The following SLCO2B1 variants were observed in gnomAD, a reference collection of about 807,000 sequenced individuals.
SLCO2B1 encodes the protein solute carrier organic anion transporter family member 2B1, also known as OATP-RP2.
Under a neutral mutation model 67.3 loss-of-function variants are expected in SLCO2B1, and 41 were observed. The observed-to-expected ratio is 0.61, with a 90% confidence interval of 0.47 to 0.79. The LOEUF is 0.79. Among genes scored for constraint, SLCO2B1 ranks in the 30% least tolerant of loss-of-function variants. The pLI, the probability that SLCO2B1 is intolerant of heterozygous loss-of-function variation, is 0.00. For missense variants in SLCO2B1, 837 were observed against 920.1 expected, an observed-to-expected ratio of 0.91 and a Z score of 1.17; for synonymous variants, 379 against 381.4, an observed-to-expected ratio of 0.99 and a Z score of 0.07.
At chr11:75,188,535 G>T (rs1944971354) in intron 8 of SLCO2B1, among the ~76,000 whole-genome samples, 1 of 152,182 alleles carries the variant, frequency 6.6e-6, no homozygotes, top group South Asian at 2.1e-4. Flanking sequence ...AGACCAGACT[G>T]GCCAACATGG....
At chr11:75,157,697 G>A (rs751783257) in intron 1 of SLCO2B1, among the ~76,000 whole-genome samples, 4 of 152,250 alleles carry the variant, frequency 2.6e-5, no homozygotes, top group Non-Finnish European at 5.9e-5. Context: ...GTCGTATAGA[G>A]GAGAAGAGAT....
At chr11:75,153,962 G>A (rs1283066519) in intron 1 of SLCO2B1, among the ~76,000 whole-genome samples, 6 of 132,850 alleles carry the variant, frequency 4.5e-5, no homozygotes, top group South Asian at 2.4e-4. Context: ...GTCTTACCCC[G>A]TCACCCAGGC....
chr11:75,165,373 A>G (rs553912182), intron 3 of SLCO2B1, among the ~76,000 whole-genome samples: 183 of 151,820 alleles, frequency 1.2e-3, no homozygotes, highest in Non-Finnish European at 2.4e-3. Context: ...AAGAGGTTGC[A>G]GTGAGCTGAG....
intron 8 of SLCO2B1, among the ~76,000 whole-genome samples, chr11:75,190,901 G>A (rs1945013111): frequency 6.6e-6 from 1 of 152,210 alleles, no homozygotes; most frequent in African/African-American, 2.4e-5. Flanking sequence ...CATGGCAAAG[G>A]TCTGCCTCAG....
rs1949969809 is a variant in SLCO2B1 at position 75,172,309 on chromosome 11, C to G, written c.782-70C>G. 4 of 1,436,016 alleles carry G rather than the reference C, an allele frequency of 2.8e-6. No homozygotes were observed. In the Admixed American group the frequency reaches 8.0e-5, roughly 29 times the overall value. The allele number at this position is 1,436,016 out of a possible 1,614,324, so 89.0% of individuals were successfully genotyped here. ...GCCACCTCATGTCTCAGAGGCCAGT[C>G]CCAGGATGGCGGCTTAGAAGTGACA... On this transcript the variant is annotated intron_variant, in intron 6 of 13. Coordinates refer to ENST00000289575, the MANE Select transcript of SLCO2B1 (RefSeq NM_007256.5).
chr11:75,187,432 C>G (rs1201909592), intron 7 of SLCO2B1, among the ~76,000 whole-genome samples: 1 of 152,190 alleles, frequency 6.6e-6, no homozygotes, highest in African/African-American at 2.4e-5. Flanking sequence ...CGGCCTGATT[C>G]ATCCAAGAGG....
intron 7 of SLCO2B1, among the ~76,000 whole-genome samples, chr11:75,174,452 G>A (rs902192818): frequency 6.6e-6 from 1 of 152,182 alleles, no homozygotes; most frequent in African/African-American, 2.4e-5. Context: ...TGGCAGTGAG[G>A]GGATAGAGGT....
rs555409010 is a variant in SLCO2B1, at chr11:75,161,706, G to A, written c.17-949G>A. Among the ~76,000 whole-genome samples the A allele has an allele frequency of 9.2e-5, 14 of 152,310 alleles. No individual in the cohort carries two copies. In the East Asian group the frequency reaches 1.4e-3, roughly 15 times the overall value. On this transcript the variant is annotated intron_variant, in intron 1 of 13. Coordinates refer to ENST00000289575, the MANE Select transcript of SLCO2B1 (RefSeq NM_007256.5). ...GAGGCTTCCGGCAGGAAGTGGAGCCGCAGAAGGGGAGGAAGACCAAGGAGG... is the reference window on the plus strand; with the variant it reads ...GAGGCTTCCGGCAGGAAGTGGAGCCACAGAAGGGGAGGAAGACCAAGGAGG...
At chr11:75,197,045 G>A (rs953613307) in intron 10 of SLCO2B1, among the ~76,000 whole-genome samples, 2 of 152,232 alleles carry the variant, frequency 1.3e-5, no homozygotes, top group South Asian at 2.1e-4. Context: ...GAATCCGGGA[G>A]GCGGAGGTTG....
chr11:75,181,299 G>A (rs1227746937), intron 7 of SLCO2B1, among the ~76,000 whole-genome samples: 1 of 151,614 alleles, frequency 6.6e-6, no homozygotes, highest in Non-Finnish European at 1.5e-5. Flanking sequence ...GAACCCGGGA[G>A]GTGGAGGTTG....
chr11:75,189,900 T>C (rs1202547160), intron 8 of SLCO2B1, among the ~76,000 whole-genome samples: 1 of 149,584 alleles, frequency 6.7e-6, no homozygotes, highest in East Asian at 2.0e-4. Context: ...AGTTTGAGGC[T>C]GCAATGAGCT....
chr11:75,178,191 C>T (rs1006588119), intron 7 of SLCO2B1, among the ~76,000 whole-genome samples: 12 of 152,064 alleles, frequency 7.9e-5, no homozygotes, highest in East Asian at 1.9e-4. Context: ...CTGTCAGGTG[C>T]GTCTACCATG....
Position 75,151,305 on chromosome 11 carries a change from A to G in SLCO2B1, c.-77A>G. 1 of 1,415,426 alleles carries G rather than the reference A, an allele frequency of 7.1e-7. No homozygotes were observed. Among genetic ancestry groups the G allele is most frequent in the Non-Finnish European group, 9.9e-7 (1 of 1,012,664 alleles). 87.7% of individuals were successfully genotyped at this position (1,415,426 alleles called of 1,614,324 possible). On this transcript the variant is annotated 5_prime_UTR_variant, in exon 1 of 14. Transcript: ENST00000289575. ...GCTGTCTCCAGGAGCCCCTGAGAAG[A>G]TTTGCTTCCTCTCCCCTGCTAAGCT...
intron 12 of SLCO2B1, 75 bp from the exon 13 acceptor site, chr11:75,203,223 AGCCCCTGAG>A: frequency 6.5e-7 from 1 of 1,540,884 alleles, no homozygotes; most frequent in Non-Finnish European, 8.7e-7. Flanking sequence ...AGTAACCCAG[AGCCCCTGAG>A]GGGTTGTACA....
intron 8 of SLCO2B1, among the ~76,000 whole-genome samples, chr11:75,188,660 A>T (rs968251853): frequency 6.6e-6 from 1 of 152,212 alleles, no homozygotes; most frequent in African/African-American, 2.4e-5. Flanking sequence ...TGGGAGGCAG[A>T]GGTTGCAGTG....
intron 9 of SLCO2B1, among the ~76,000 whole-genome samples, chr11:75,195,416 C>T (rs532388659): frequency 6.6e-6 from 1 of 152,134 alleles, no homozygotes; most frequent in Non-Finnish European, 1.5e-5. Context: ...CACACAAGCA[C>T]TGTCTGGCAG....
intron 8 of SLCO2B1, among the ~76,000 whole-genome samples, chr11:75,190,753 T>C (rs531951514): frequency 6.6e-6 from 1 of 152,244 alleles, no homozygotes; most frequent in South Asian, 2.1e-4. Flanking sequence ...GGAGAACCTG[T>C]TCTATTTGAC....
intron 8 of SLCO2B1, among the ~76,000 whole-genome samples, chr11:75,189,502 G>C (rs1000958591): frequency 6.6e-6 from 1 of 152,126 alleles, no homozygotes; most frequent in African/African-American, 2.4e-5. Context: ...TATTACTCTT[G>C]TTCCACCGTT....
intron 7 of SLCO2B1, among the ~76,000 whole-genome samples, chr11:75,178,245 T>A (rs1460395154): frequency 6.6e-6 from 1 of 152,178 alleles, no homozygotes; most frequent in Non-Finnish European, 1.5e-5. Context: ...TGCTACTTAC[T>A]AATTCTGAAA....
Sources: gnomAD v4.1 joint callset for allele counts (sites outside exome capture counted in the v4.1 genomes callset) on GRCh38, gnomAD v4.1.1 for gene constraint, MANE v1.5 for transcripts, NCBI Gene and HGNC (gene_info 2026-07-23, HGNC 2026-07-21) for gene names.